DLGAP1: variants seen among roughly 807,000 people sequenced by gnomAD.
The protein encoded by DLGAP1 is disks large-associated protein 1.
DLGAP1 carries 11 observed loss-of-function variants against 90.8 expected under a neutral mutation model. The observed-to-expected ratio is 0.12, with a 90% CI of 0.08 to 0.20. The LOEUF (loss-of-function observed/expected upper bound fraction) is 0.20, where lower values mean the gene tolerates loss of function less well. DLGAP1 is among the 10% of genes least tolerant of loss of function. The probability of loss-of-function intolerance (pLI) is 1.00; values close to 1 mark genes in which losing one functional copy is unlikely to be tolerated. For synonymous variants in DLGAP1, 558 were observed against 540.7 expected, an observed-to-expected ratio of 1.03 and a Z score of -0.44; for missense variants, 1,050 against 1,333.8, an observed-to-expected ratio of 0.79 and a Z score of 3.31.
Position 3,754,417 on chromosome 18 carries a change from T to C in DLGAP1, c.1173-11905A>G, listed in dbSNP as rs569897203. Reference sequence around the variant, plus strand: ...GCACTGGTTTTCTTCAATAAATGTATTGAAATTTTTTTTTTGGAAGATTTG... The same window carrying C: ...GCACTGGTTTTCTTCAATAAATGTACTGAAATTTTTTTTTTGGAAGATTTG... On this transcript the variant is annotated intron_variant, in intron 5 of 12. Coordinates refer to ENST00000315677, the MANE Select transcript of DLGAP1 (RefSeq NM_004746.4). Among the ~76,000 whole-genome samples, 44 of 151,954 alleles carry C rather than the reference T, an allele frequency of 2.9e-4. 1 individual carries two copies. Among genetic ancestry groups the C allele is most frequent in the Admixed American group, 7.2e-4 (11 of 15,240 alleles).
chr18:3,772,172 C>CCTTCCTTTCTTTCTCTCCTTCCTTT (rs139069395), intron 5 of DLGAP1, among the ~76,000 whole-genome samples: 1 of 145,198 alleles, frequency 6.9e-6, no homozygotes, highest in Admixed American at 6.9e-5. Context: ...TTCTCTCCTT[C>CCTTCCTTTCTTTCTCTCCTTCCTTT]CTTTCTCTCC....
At position 4,007,617 on chromosome 18, in the gene DLGAP1, C is replaced by G. The variant is rs1056893559; in HGVS notation, c.-158-2416G>C. On this transcript the variant is annotated intron_variant, in intron 2 of 12. Transcript: ENST00000315677. ...TTTGCAGTGAGCCGAGATTGCATCACTGCACTCCAGCCTGGGTGACAGAAC... is the reference window on the plus strand; with the variant it reads ...TTTGCAGTGAGCCGAGATTGCATCAGTGCACTCCAGCCTGGGTGACAGAAC... Among the ~76,000 whole-genome samples the G allele has an allele frequency of 1.5e-4, 23 of 152,264 alleles. 2 individuals are homozygous for G. Among genetic ancestry groups the G allele is most frequent in the African/African-American group, 4.1e-4 (17 of 41,514 alleles).
intron 2 of DLGAP1, among the ~76,000 whole-genome samples, chr18:4,064,376 T>G (rs899224720): frequency 6.6e-6 from 1 of 151,712 alleles, no homozygotes; most frequent in African/African-American, 2.4e-5. Flanking sequence ...TAGAGACACA[T>G]GAAAAACCAT....
At chr18:3,598,842 G>C (rs1031562822) in intron 7 of DLGAP1, among the ~76,000 whole-genome samples, 1 of 151,894 alleles carries the variant, frequency 6.6e-6, no homozygotes, top group Non-Finnish European at 1.5e-5. Flanking sequence ...CTGTCACCCA[G>C]GCTGTTGTGC....
chr18:4,154,883 G>T (rs1259856889), intron 1 of DLGAP1, among the ~76,000 whole-genome samples: 2 of 152,166 alleles, frequency 1.3e-5, no homozygotes, highest in Admixed American at 6.5e-5. Flanking sequence ...CTATCTAGGG[G>T]ATGAGAATAC....
intron 4 of DLGAP1, among the ~76,000 whole-genome samples, chr18:3,850,420 A>T (rs1358278327): frequency 6.6e-6 from 1 of 152,102 alleles, no homozygotes. Context: ...TGGGATGTCG[A>T]TTTAAAATAT....
chr18:3,864,805 T>C (rs1182484255), intron 4 of DLGAP1, among the ~76,000 whole-genome samples: 2 of 152,206 alleles, frequency 1.3e-5, no homozygotes, highest in Non-Finnish European at 2.9e-5. Flanking sequence ...AGGTGGCACA[T>C]GTAACTGTTC....
At chr18:4,210,488 A>G (rs190816242) in intron 1 of DLGAP1, among the ~76,000 whole-genome samples, 140 of 152,280 alleles carry the variant, frequency 9.2e-4, no homozygotes, top group African/African-American at 3.2e-3. Context: ...ATTTATGCTG[A>G]GCTAGGAAAA....
At chr18:4,341,950 C>T (rs889917852) in intron 1 of DLGAP1, among the ~76,000 whole-genome samples, 18 of 151,636 alleles carry the variant, frequency 1.2e-4, no homozygotes, top group African/African-American at 4.4e-4. Context: ...CTCTTGGTGG[C>T]GTGACTTTGA....
At chr18:4,178,443 A>G (rs2144641094) in intron 1 of DLGAP1, among the ~76,000 whole-genome samples, 1 of 152,246 alleles carries the variant, frequency 6.6e-6, no homozygotes, top group East Asian at 1.9e-4. Flanking sequence ...AATTTTTTGC[A>G]TACTTTTCTT....
intron 1 of DLGAP1, among the ~76,000 whole-genome samples, chr18:4,426,957 T>C (rs1264302743): frequency 6.6e-6 from 1 of 152,236 alleles, no homozygotes; most frequent in African/African-American, 2.4e-5. Context: ...ACTATTGAGA[T>C]ATAATTATGA....
At chr18:3,860,300 A>G (rs2069964300) in intron 4 of DLGAP1, among the ~76,000 whole-genome samples, 1 of 148,718 alleles carries the variant, frequency 6.7e-6, no homozygotes, top group South Asian at 2.1e-4. Context: ...CACTGCTAAC[A>G]CTGTGTTTTT....
chr18:3,912,664 T>C (rs2072061179), intron 3 of DLGAP1, among the ~76,000 whole-genome samples: 1 of 152,116 alleles, frequency 6.6e-6, no homozygotes, highest in Admixed American at 6.6e-5. Context: ...AGGGAGGTGA[T>C]AGGGGCGTGC....
At chr18:4,248,344 G>A (rs1346829568) in intron 1 of DLGAP1, among the ~76,000 whole-genome samples, 1 of 152,182 alleles carries the variant, frequency 6.6e-6, no homozygotes, top group Non-Finnish European at 1.5e-5. Flanking sequence ...TTGACTCGTT[G>A]GAGTCTGTAA....
intron 1 of DLGAP1, among the ~76,000 whole-genome samples, chr18:4,296,250 G>A (rs1465902881): frequency 1.3e-5 from 2 of 151,644 alleles, no homozygotes; most frequent in Non-Finnish European, 2.9e-5. Flanking sequence ...TCTGAAGACC[G>A]AGACTGTGTA....
chr18:4,121,801 T>G lies in DLGAP1; in HGVS notation c.-159+29379A>C, dbSNP rs192858154. Among the ~76,000 whole-genome samples, 226 of 152,278 alleles carry G rather than the reference T, an allele frequency of 1.5e-3. 1 individual carries two copies. The highest frequency in any genetic ancestry group is 2.7e-3 in the Non-Finnish European group (182 of 68,026). The stretch of plus-strand genomic sequence containing the variant: ...CCTTATCATGCTTTAACAAGTACCA[T>G]TGAATAATTTTTTCTTTAACAGTAG... On this transcript the variant is annotated intron_variant, in intron 2 of 12. Transcript: ENST00000315677.
intron 11 of DLGAP1, among the ~76,000 whole-genome samples, chr18:3,504,796 C>T (rs797018859): frequency 2.0e-5 from 3 of 152,282 alleles, no homozygotes; most frequent in East Asian, 1.9e-4. Flanking sequence ...AGAGAGAAAG[C>T]GTTTAGCCTC....
chr18:3,701,386 TC>T (rs534192497), intron 7 of DLGAP1, among the ~76,000 whole-genome samples: 3 of 152,252 alleles, frequency 2.0e-5, no homozygotes, highest in African/African-American at 7.2e-5. Flanking sequence ...AGCAATCACG[TC>T]CCTCCCTACA....
At chr18:3,694,942 T>TG (rs1045914597) in intron 7 of DLGAP1, among the ~76,000 whole-genome samples, 1 of 126,364 alleles carries the variant, frequency 7.9e-6, no homozygotes, top group Non-Finnish European at 1.5e-5. Flanking sequence ...TTTTTTTGTT[T>TG]TTTTTTTTTT....
Sources: allele counts gnomAD v4.1 joint callset (sites outside exome capture counted in the v4.1 genomes callset), GRCh38; gene constraint gnomAD v4.1.1; transcripts MANE v1.5; gene names NCBI Gene and HGNC (gene_info 2026-07-23, HGNC 2026-07-21).